ICE2: variants seen among roughly 807,000 people sequenced by gnomAD.
ICE2 encodes interactor of little elongation complex ELL subunit 2.
In ICE2, 87 loss-of-function variants were observed where a neutral mutation model predicts 105.4. The ratio of observed to expected loss-of-function variants is 0.83; its 90% CI spans 0.69 to 0.99. The LOEUF (loss-of-function observed/expected upper bound fraction) is 0.99. Among genes scored for constraint, ICE2 ranks in the 50% least tolerant of loss-of-function variants. ICE2 has a pLI of 0.00. For synonymous variants in ICE2, 399 were observed against 392.0 expected (o/e 1.02, Z -0.21); for missense variants, 1,323 against 1,146.7 (o/e 1.15, Z -2.22).
At position 60,466,647 on chromosome 15, in the gene ICE2, T is replaced by C; in HGVS notation, c.475A>G (p.Lys159Glu). The C allele has an allele frequency of 6.2e-7, 1 of 1,611,910 alleles. No individual in the cohort carries two copies. Among genetic ancestry groups the C allele is most frequent in the Non-Finnish European group, 8.5e-7 (1 of 1,179,754 alleles). Residue 159 changes from lysine to glutamate, a missense_variant, in exon 5 of 16, where the codon AAA becomes GAA. Lys to Glu is a moderately conservative substitution (Grantham distance 56). Coordinates refer to ENST00000261520, the MANE Select transcript of ICE2 (RefSeq NM_024611.6). The part of the protein sequence containing the change: ...FLKFLQNSAK[K>E]CAQDYNMLSD... ...AGCATATTATAATCCTGCGCACATT[T>C]CTTTGCAGAATTCTGCAAAAACTTT...
chr15:60,465,857 T>A (rs1013818414), intron 5 of ICE2, among the ~76,000 whole-genome samples: 1 of 151,598 alleles, frequency 6.6e-6, no homozygotes, highest in Admixed American at 6.6e-5. Flanking sequence ...GTTCAAGCGA[T>A]TCTCCTGCCT....
intron 10 of ICE2, among the ~76,000 whole-genome samples, chr15:60,448,347 T>G (rs1342241701): frequency 1.3e-5 from 2 of 152,190 alleles, no homozygotes; most frequent in Non-Finnish European, 2.9e-5. Context: ...GCTTTAAGGT[T>G]CTTCTCCTTT....
chr15:60,453,887 G>T, intron 8 of ICE2, 103 bp from the exon 9 acceptor site: 2 of 877,828 alleles, frequency 2.3e-6, no homozygotes, highest in Non-Finnish European at 1.8e-6. Flanking sequence ...AAGAGACACA[G>T]GAGAATGGCA....
In ICE2 at chr15:60,423,499, A is replaced by G. The variant is rs2063269895; in HGVS notation, c.*135T>C. The stretch of plus-strand genomic sequence containing the variant: ...GTTGAAATATTCCTTCACATAGCCA[A>G]CACATTTTTTCAAGGCACTCTAGCT... On this transcript the variant is annotated 3_prime_UTR_variant, in exon 16 of 16. Coordinates refer to ENST00000261520, the MANE Select transcript of ICE2 (RefSeq NM_024611.6). 1.4e-6 allele frequency: 1 copy of G among 694,832 alleles called. No individual in the cohort carries two copies. The highest frequency in any genetic ancestry group is 2.3e-6 in the Non-Finnish European group (1 of 442,492). 43.0% of individuals were successfully genotyped at this position (694,832 alleles called of 1,614,324 possible).
At chr15:60,477,912 G>A (rs149339299) in intron 2 of ICE2, 25 bp downstream of exon 2, 665 of 1,602,592 alleles carry the variant, frequency 4.1e-4, no homozygotes, top group Non-Finnish European at 5.0e-4. Context: ...CCTCTTCAGT[G>A]GATTACAAAG....
chr15:60,446,527 C>G (rs1209493815), intron 11 of ICE2, among the ~76,000 whole-genome samples: 3 of 152,168 alleles, frequency 2.0e-5, no homozygotes, highest in African/African-American at 4.8e-5. Context: ...TCCCACGTAG[C>G]TGGGACTACA....
At position 60,456,732 on chromosome 15, in the gene ICE2, C is replaced by G; in HGVS notation, c.591G>C (p.Glu197Asp). 6.3e-7 allele frequency: 1 copy of G among 1,589,206 alleles called. No individual in the cohort carries two copies. The highest frequency in any genetic ancestry group is 2.3e-5 in the East Asian group (1 of 43,718). The change falls in exon 6 of 16, where the codon GAG (glutamate) becomes GAC (aspartate). Residue 197 changes from glutamate (E) to aspartate (D), a missense_variant. Coordinates refer to ENST00000261520, the MANE Select transcript of ICE2 (RefSeq NM_024611.6). ...GGAAGAATCCCATTAAGCTGGTGAC[C>G]TCGTGGAGAGTATAGAATTCTGAAT... ...KKYSEFYTLH[E>D]VTSLMGFFPF...
At chr15:60,451,421 T>G in intron 9 of ICE2, 1 of 963,190 alleles carries the variant, frequency 1.0e-6, no homozygotes, top group Non-Finnish European at 1.2e-6. Flanking sequence ...GAAATAAAAT[T>G]AGATATCATT....
In ICE2 at chr15:60,428,766, G is replaced by C. The variant is rs2063392216; in HGVS notation, c.2562-79C>G. On this transcript the variant is annotated intron_variant, in intron 14 of 15. Transcript: ENST00000261520. ...TCACTTTCTTAATCATAATCTATTA[G>C]TAAAATTGAAAATTATGAGAAGATC... 6.2e-6 allele frequency: 9 copies of C among 1,448,564 alleles called. No individual in the cohort carries two copies. In the Admixed American group the frequency reaches 1.9e-4, roughly 31 times the overall value. 89.7% of individuals were successfully genotyped at this position (1,448,564 alleles called of 1,614,324 possible). A position where few individuals can be genotyped will look rare whatever the true frequency, so the allele number is the denominator to read the frequency against.
At chr15:60,460,439 A>G (rs2064243643) in intron 5 of ICE2, among the ~76,000 whole-genome samples, 1 of 152,238 alleles carries the variant, frequency 6.6e-6, no homozygotes, top group Admixed American at 6.5e-5. Context: ...GAGAGGATGC[A>G]GTGAGCAGAG....
At chr15:60,456,462 T>C (rs1055278861) in intron 6 of ICE2, among the ~76,000 whole-genome samples, 195 bp downstream of exon 6, 1 of 147,780 alleles carries the variant, frequency 6.8e-6, no homozygotes, top group African/African-American at 2.5e-5. Flanking sequence ...GAGAATCACC[T>C]GAACCTGGGA....
At chr15:60,471,400 C>T (rs1408591162) in intron 3 of ICE2, among the ~76,000 whole-genome samples, 2 of 152,198 alleles carry the variant, frequency 1.3e-5, no homozygotes, top group African/African-American at 4.8e-5. Flanking sequence ...TCAAACCTAA[C>T]AGTATTGTGT....
At chr15:60,447,687 TAA>T (rs1394341796) in intron 11 of ICE2, 2 of 220,272 alleles carry the variant, frequency 9.1e-6, no homozygotes, top group African/African-American at 4.6e-5. Flanking sequence ...TGCCGGAGCT[TAA>T]AAGTTTTCAA....
chr15:60,431,999 A>C lies in ICE2; in HGVS notation c.2511-15T>G. 1 of 1,362,974 alleles carries C rather than the reference A, an allele frequency of 7.3e-7. No homozygotes were observed. Among genetic ancestry groups the C allele is most frequent in the Non-Finnish European group, 1.0e-6 (1 of 970,502 alleles). The allele number at this position is 1,362,974 out of a possible 1,614,324, so 84.4% of individuals were successfully genotyped here. Reference sequence around the variant, plus strand: ...AATTGGAAATCCTGATAAACAAAAGAAATTCATGTAAAATTAAACTGCAAA... The same window carrying C: ...AATTGGAAATCCTGATAAACAAAAGCAATTCATGTAAAATTAAACTGCAAA... On this transcript the variant is annotated splice_polypyrimidine_tract_variant and intron_variant, in intron 13 of 15. Transcript: ENST00000261520.
At chr15:60,446,369 T>C (rs886553673) in intron 11 of ICE2, among the ~76,000 whole-genome samples, 7 of 152,112 alleles carry the variant, frequency 4.6e-5, no homozygotes, top group Admixed American at 2.0e-4. Context: ...CATGCCGCTG[T>C]TATTAGCAAT....
intron 10 of ICE2, 58 bp downstream of exon 10, chr15:60,448,790 A>C: frequency 6.9e-7 from 1 of 1,442,256 alleles, no homozygotes. Flanking sequence ...CGAGGGAGAA[A>C]AACCTAAGGA....
rs2064021419 is a variant in ICE2 at position 60,453,626 on chromosome 15, C to T, written c.1102G>A (p.Glu368Lys). The T allele has an allele frequency of 1.9e-6, 3 of 1,613,396 alleles. No individual in the cohort carries two copies. The highest frequency in any genetic ancestry group is 1.1e-5 in the South Asian group (1 of 91,036). ...ACGTCCATTTCAGATATAAACTCTT[C>T]AGGTTTGTCCATAAAGACTGCAGAG... ...PVSAVFMDKPEEFISEMDMSC... is the reference protein window; with the variant it reads ...PVSAVFMDKPKEFISEMDMSC... The change falls in exon 9 of 16, where the codon GAA (glutamate) becomes AAA (lysine). Residue 368 changes from glutamate to lysine, a missense_variant. Physicochemically the swap from Glu to Lys is moderately conservative, Grantham distance 56. Transcript: ENST00000261520.
chr15:60,462,784 A>C (rs1324545032), intron 5 of ICE2, among the ~76,000 whole-genome samples: 6 of 152,284 alleles, frequency 3.9e-5, no homozygotes, highest in African/African-American at 1.4e-4. Context: ...GTGGAGCAAC[A>C]GAACTCTTAA....
rs773338307 is a variant in ICE2 at position 60,448,035 on chromosome 15, C to T, written c.2230G>A (p.Val744Ile). ...LFSLQDLLLL[V>I]RCSVQRIETR... ...TCTATCCTCTGGACACTGCAGCGTA[C>T]GAGTAACAACAGGTCTTGCAGGCTA... The change falls in exon 11 of 16, where the codon GTA becomes ATA. Residue 744 changes from valine to isoleucine, a missense_variant. Val to Ile is a conservative substitution (Grantham distance 29). Transcript: ENST00000261520. The T allele has an allele frequency of 2.9e-5, 47 of 1,613,708 alleles. No homozygotes were observed. The highest frequency in any genetic ancestry group is 1.7e-4 in the Admixed American group (10 of 59,998).
Sources: allele counts gnomAD v4.1 joint callset (sites outside exome capture counted in the v4.1 genomes callset), GRCh38; gene constraint gnomAD v4.1.1; transcripts MANE v1.5; gene names NCBI Gene and HGNC (gene_info 2026-07-23, HGNC 2026-07-21).